Variants in PRKCE observed in about 807,000 individuals in gnomAD.
The protein encoded by PRKCE is protein kinase C epsilon type.
Under a neutral mutation model 85.4 loss-of-function variants are expected in PRKCE, and 16 were observed. The observed-to-expected ratio is 0.19, with a 90% confidence interval of 0.13 to 0.28. The LOEUF is 0.28. PRKCE is among the 10% of genes least tolerant of loss of function. The pLI, the probability that PRKCE is intolerant of heterozygous loss-of-function variation, is 1.00. For synonymous variants in PRKCE, 388 were observed against 371.5 expected (o/e 1.04, Z -0.51); for missense variants, 573 against 975.2 (o/e 0.59, Z 5.49).
chr2:45,729,018 C>G (rs557137051), intron 1 of PRKCE, among the ~76,000 whole-genome samples: 1 of 152,118 alleles, frequency 6.6e-6, no homozygotes, highest in Non-Finnish European at 1.5e-5. Context: ...CACTTCCCAT[C>G]GTCTTTCTTT....
intron 1 of PRKCE, among the ~76,000 whole-genome samples, chr2:45,707,397 G>A (rs1238498531): frequency 6.6e-6 from 1 of 152,218 alleles, no homozygotes; most frequent in African/African-American, 2.4e-5. Context: ...TATTCCCATA[G>A]AAAGCTTTGT....
intron 11 of PRKCE, among the ~76,000 whole-genome samples, chr2:46,091,302 G>A (rs772154204): frequency 1.2e-4 from 19 of 152,164 alleles, no homozygotes; most frequent in East Asian, 3.8e-4. Context: ...TGGGCTTTCC[G>A]TCCAAGGTTG....
chr2:45,818,912 A>G (rs1437028447), intron 1 of PRKCE, among the ~76,000 whole-genome samples: 2 of 152,218 alleles, frequency 1.3e-5, no homozygotes, highest in Admixed American at 6.5e-5. Context: ...GAAAGGAAGT[A>G]CAGCCCAGTA....
intron 2 of PRKCE, among the ~76,000 whole-genome samples, chr2:45,858,047 G>C (rs1005006147): frequency 6.6e-6 from 1 of 152,172 alleles, no homozygotes; most frequent in African/African-American, 2.4e-5. Context: ...AGGCTGAAGG[G>C]ATGAAAATCA....
At chr2:45,928,434 AT>A (rs1340370421) in intron 2 of PRKCE, among the ~76,000 whole-genome samples, 6 of 151,900 alleles carry the variant, frequency 3.9e-5, no homozygotes, top group African/African-American at 1.5e-4. Flanking sequence ...TGCCCAGCTA[AT>A]TTTTTGTATT....
At chr2:46,031,296 G>A (rs574924706) in intron 10 of PRKCE, among the ~76,000 whole-genome samples, 21 of 152,126 alleles carry the variant, frequency 1.4e-4, no homozygotes, top group East Asian at 5.8e-4. Context: ...CTCACTGCCC[G>A]CTTTCTGGAA....
Position 45,772,730 on chromosome 2 carries a change from G to T in PRKCE, c.349-70270G>T, listed in dbSNP as rs147978330. On this transcript the variant is annotated intron_variant, in intron 1 of 14. Coordinates refer to ENST00000306156, the MANE Select transcript of PRKCE (RefSeq NM_005400.3). The stretch of plus-strand genomic sequence containing the variant: ...GCTCAGCACCATTTAGGGTGAAGTT[G>T]TGGGTTCTAAGGAGCAAGCTCTGCA... Among the ~76,000 whole-genome samples, 20 of 152,262 alleles carry T rather than the reference G, an allele frequency of 1.3e-4. 1 individual carries two copies. The East Asian group carries it at 3.7e-3, about 28-fold the overall frequency.
intron 1 of PRKCE, among the ~76,000 whole-genome samples, chr2:45,795,392 T>A (rs1687356144): frequency 6.6e-6 from 1 of 152,248 alleles, no homozygotes; most frequent in African/African-American, 2.4e-5. Flanking sequence ...CACTGCAACC[T>A]CCGCCTCCCG....
chr2:45,864,147 A>G (rs992766178), intron 2 of PRKCE, among the ~76,000 whole-genome samples: 1 of 152,134 alleles, frequency 6.6e-6, no homozygotes, highest in African/African-American at 2.4e-5. Context: ...CCCCTCAAAG[A>G]GCGTCATTCT....
intron 1 of PRKCE, among the ~76,000 whole-genome samples, chr2:45,703,081 C>T (rs1334286782): frequency 6.6e-6 from 1 of 150,426 alleles, no homozygotes; most frequent in Non-Finnish European, 1.5e-5. Flanking sequence ...TTTAGCTGTC[C>T]TTAGTAAAGG....
At chr2:45,927,644 G>A (rs1181021618) in intron 2 of PRKCE, among the ~76,000 whole-genome samples, 2 of 152,202 alleles carry the variant, frequency 1.3e-5, no homozygotes, top group African/African-American at 4.8e-5. Context: ...ATTAGAGAAA[G>A]GGAGGATTTC....
intron 1 of PRKCE, among the ~76,000 whole-genome samples, chr2:45,788,819 T>C (rs78599646): frequency 3.4e-4 from 51 of 152,212 alleles, no homozygotes; most frequent in Admixed American, 6.5e-4. Flanking sequence ...AAGAAATATA[T>C]GAAGATACAT....
chr2:46,061,788 T>C (rs1321095601), intron 10 of PRKCE, among the ~76,000 whole-genome samples: 2 of 152,130 alleles, frequency 1.3e-5, no homozygotes, highest in Non-Finnish European at 2.9e-5. Flanking sequence ...TGAAGACCCA[T>C]TCAGCATCTC....
intron 11 of PRKCE, among the ~76,000 whole-genome samples, chr2:46,094,398 C>T (rs1472704507): frequency 6.6e-6 from 1 of 152,146 alleles, no homozygotes; most frequent in East Asian, 1.9e-4. Context: ...TTATTTTACT[C>T]TCAGACTTGA....
intron 14 of PRKCE, among the ~76,000 whole-genome samples, chr2:46,171,609 C>T (rs1235824608): frequency 1.3e-5 from 2 of 152,198 alleles, no homozygotes; most frequent in African/African-American, 2.4e-5. Context: ...GCCTGTTAGA[C>T]AAGACGTCTA....
chr2:45,964,008 G>C (rs1701564985), intron 2 of PRKCE, among the ~76,000 whole-genome samples: 1 of 152,200 alleles, frequency 6.6e-6, no homozygotes, highest in African/African-American at 2.4e-5. Context: ...CTTTGCTTTA[G>C]TCTCATGAAT....
chr2:45,970,189 G>C (rs72804714), intron 2 of PRKCE, among the ~76,000 whole-genome samples: 26,109 of 152,138 alleles, frequency 0.17, 3,088 homozygotes, highest in African/African-American at 0.34. Flanking sequence ...ATGAATGTCA[G>C]TTTCATAGTA....
intron 10 of PRKCE, among the ~76,000 whole-genome samples, chr2:46,031,831 T>C (rs529578619): frequency 5.3e-5 from 8 of 152,148 alleles, no homozygotes; most frequent in Non-Finnish European, 1.2e-4. Context: ...GAATCCTGAA[T>C]ATCCCACATG....
intron 2 of PRKCE, among the ~76,000 whole-genome samples, chr2:45,896,998 A>G (rs2103668938): frequency 6.6e-6 from 1 of 152,274 alleles, no homozygotes; most frequent in East Asian, 1.9e-4. Context: ...GGATCCCTTG[A>G]GCCCATGAGT....
Sources: gnomAD v4.1 joint callset for allele counts (sites outside exome capture counted in the v4.1 genomes callset) on GRCh38, gnomAD v4.1.1 for gene constraint, MANE v1.5 for transcripts, NCBI Gene and HGNC (gene_info 2026-07-23, HGNC 2026-07-21) for gene names.